PFKFB1: variants seen among roughly 807,000 people sequenced by gnomAD.
PFKFB1 encodes the protein 6-phosphofructo-2-kinase/fructose-2,6-bisphosphatase 1.
Under a neutral mutation model 46.4 loss-of-function variants are expected in PFKFB1, and 34 were observed. The observed-to-expected ratio is 0.73, with a 90% CI of 0.56 to 0.98. The LOEUF (loss-of-function observed/expected upper bound fraction) is 0.98. Ranked by LOEUF, PFKFB1 falls within the 50% of genes least tolerant of loss-of-function variation. PFKFB1 has a pLI of 0.00. For synonymous variants in PFKFB1, 119 were observed against 133.8 expected (o/e 0.89, Z 0.76); for missense variants, 393 against 376.3 (o/e 1.04, Z -0.37).
chrX:54,941,835 C>T (rs867533762), intron 10 of PFKFB1, among the ~76,000 whole-genome samples: 36 of 111,914 alleles, frequency 3.2e-4, no homozygotes, highest in African/African-American at 1.1e-3. Context: ...GTCAGTGTGG[C>T]GTCTCCTCAG....
At chrX:54,996,415 C>CT (rs747574763), upstream of PFKFB1, among the ~76,000 whole-genome samples, 3 of 112,203 alleles carry the variant, frequency 2.7e-5, no homozygotes, top group African/African-American at 9.7e-5. Context: ...ATGAACATCT[C>CT]TTTTATGTTT....
intron 1 of PFKFB1, among the ~76,000 whole-genome samples, chrX:54,993,361 T>G (rs980940811): frequency 9.0e-6 from 1 of 111,696 alleles, no homozygotes; most frequent in African/African-American, 3.3e-5. Flanking sequence ...GACAGGACAT[T>G]AAGTGTTTCC....
intron 6 of PFKFB1, among the ~76,000 whole-genome samples, chrX:54,956,870 T>G (rs1344191237): frequency 9.0e-6 from 1 of 111,118 alleles, no homozygotes; most frequent in African/African-American, 3.3e-5. Flanking sequence ...CCTCTAAATA[T>G]CCATTCTTTC....
chrX:54,963,044 G>T (rs1258600272), intron 2 of PFKFB1, among the ~76,000 whole-genome samples: 1 of 112,309 alleles, frequency 8.9e-6, no homozygotes. Flanking sequence ...GTTTTCCTAT[G>T]CTTAGCACCT....
At chrX:54,992,553 A>G (rs1935268221) in intron 1 of PFKFB1, among the ~76,000 whole-genome samples, 1 of 112,264 alleles carries the variant, frequency 8.9e-6, no homozygotes, top group Non-Finnish European at 1.9e-5. Context: ...GGTTGCAGGC[A>G]TTAATCCTGT....
chrX:54,951,675 G>C (rs1219300544), intron 8 of PFKFB1, among the ~76,000 whole-genome samples: 1 of 112,747 alleles, frequency 8.9e-6, no homozygotes, highest in Non-Finnish European at 1.9e-5. Flanking sequence ...GGCAGGCCTT[G>C]GGTGCCAGGG....
At position 54,933,203 on chromosome X, in the gene PFKFB1, G is replaced by C; in HGVS notation, c.*200C>G. ...TTATTCGTCAGAGAATAGGAATTAA[G>C]AAAGAAAGTTTCCTCCAGAGCTAGA... On this transcript the variant is annotated 3_prime_UTR_variant, in exon 14 of 14. Coordinates refer to ENST00000375006, the MANE Select transcript of PFKFB1 (RefSeq NM_002625.4). 1 of 435,962 alleles carries C rather than the reference G, an allele frequency of 2.3e-6. No individual in the cohort carries two copies. Among genetic ancestry groups the C allele is most frequent in the South Asian group, 3.5e-5 (1 of 28,632 alleles). The allele number at this position is 435,962 out of a possible 1,213,427, so 35.9% of individuals were successfully genotyped here. A position where few individuals can be genotyped will look rare whatever the true frequency, so the allele number is the denominator to read the frequency against.
At chrX:54,995,799 T>C (rs1390108344), upstream of PFKFB1, among the ~76,000 whole-genome samples, 1 of 112,575 alleles carries the variant, frequency 8.9e-6, no homozygotes, top group Non-Finnish European at 1.9e-5. Flanking sequence ...CCTTGACTAA[T>C]CTGAAACTTC....
intron 5 of PFKFB1, 106 bp downstream of exon 5, chrX:54,958,745 G>C (rs1374699159): frequency 3.6e-5 from 18 of 505,569 alleles, no homozygotes; most frequent in Admixed American, 2.8e-4. Context: ...TTAAAATGTT[G>C]AGCTTATGGT....
chrX:54,960,000 C>T lies in PFKFB1; in HGVS notation c.318-107G>A, dbSNP rs1934262191. 19 of 583,230 alleles carry T rather than the reference C, an allele frequency of 3.3e-5. No homozygotes were observed. In the South Asian group the frequency reaches 4.5e-4, roughly 14 times the overall value. The allele number at this position is 583,230 out of a possible 1,213,427, so 48.1% of individuals were successfully genotyped here. On this transcript the variant is annotated intron_variant, in intron 3 of 13. Coordinates refer to ENST00000375006, the MANE Select transcript of PFKFB1 (RefSeq NM_002625.4). ...TACCATCTCTCATGTCTTAGACTAA[C>T]TTATCATGTATTGAACATCTACACA...
At chrX:54,998,380 C>A, upstream of PFKFB1, 2 of 1,133,672 alleles carry the variant, frequency 1.8e-6, no homozygotes, top group Non-Finnish European at 2.3e-6. Flanking sequence ...GCAACTCCTG[C>A]CTACTTTCCC....
intron 8 of PFKFB1, among the ~76,000 whole-genome samples, chrX:54,951,041 T>C (rs1171017376): frequency 1.8e-5 from 2 of 113,286 alleles, no homozygotes; most frequent in Non-Finnish European, 3.7e-5. Context: ...GCACCGTGAC[T>C]GTGCATAGGT....
chrX:54,943,226 C>T (rs1701604813), intron 10 of PFKFB1, among the ~76,000 whole-genome samples: 2 of 111,500 alleles, frequency 1.8e-5, no homozygotes, highest in South Asian at 7.5e-4. Flanking sequence ...AACAATGATA[C>T]AAAAACCTTA....
At chrX:54,974,640 A>G (rs1319481772) in intron 1 of PFKFB1, among the ~76,000 whole-genome samples, 3 of 112,359 alleles carry the variant, frequency 2.7e-5, no homozygotes, top group Admixed American at 1.9e-4. Flanking sequence ...GTGCAGTAGA[A>G]GAAATAATCA....
chrX:54,982,381 A>G (rs758316455), intron 1 of PFKFB1, among the ~76,000 whole-genome samples: 27 of 111,976 alleles, frequency 2.4e-4, no homozygotes, highest in Admixed American at 7.6e-4. Flanking sequence ...TCCTCAACAA[A>G]ATATTGGCAG....
intron 8 of PFKFB1, among the ~76,000 whole-genome samples, chrX:54,951,366 G>A (rs1428226090): frequency 8.9e-6 from 1 of 112,175 alleles, no homozygotes; most frequent in Non-Finnish European, 1.9e-5. Context: ...CAGGTGCTGG[G>A]CCTTGGAAGG....
At chrX:54,964,661 C>T (rs1934424758) in intron 1 of PFKFB1, among the ~76,000 whole-genome samples, 1 of 111,418 alleles carries the variant, frequency 9.0e-6, no homozygotes, top group South Asian at 3.8e-4. Context: ...ATAGTACTCA[C>T]TAGGTAGTTT....
At chrX:54,949,379 T>A (rs917847613) in intron 8 of PFKFB1, among the ~76,000 whole-genome samples, 158 bp from the exon 9 acceptor site, 1 of 109,671 alleles carries the variant, frequency 9.1e-6, no homozygotes, top group Non-Finnish European at 1.9e-5. Context: ...AAAGCCATAC[T>A]CTTTCCAATG....
chrX:54,949,099 C>T lies in PFKFB1; in HGVS notation c.969G>A (p.Trp323Ter). 3.3e-6 allele frequency: 4 copies of T among 1,211,471 alleles called. No individual in the cohort carries two copies. The highest frequency in any genetic ancestry group is 4.5e-6 in the Non-Finnish European group (4 of 895,276). Residue 323 changes from tryptophan (W) to a stop codon, truncating the protein, a stop_gained, in exon 9 of 14, where the codon TGG becomes TGA. Coordinates refer to ENST00000375006, the MANE Select transcript of PFKFB1 (RefSeq NM_002625.4). LOFTEE classifies it high-confidence loss of function. ...CCGCATCAATCTCATTCAGGGCCTTCCACTGCTCATAGGGGACACCCAGGG... is the reference window on the plus strand; with the variant it reads ...CCGCATCAATCTCATTCAGGGCCTTTCACTGCTCATAGGGGACACCCAGGG... ...AEALGVPYEQ[W>*]KALNEIDAGV...
Sources: gnomAD v4.1 joint callset for allele counts (sites outside exome capture counted in the v4.1 genomes callset) on GRCh38, gnomAD v4.1.1 for gene constraint, MANE v1.5 for transcripts, NCBI Gene and HGNC (gene_info 2026-07-23, HGNC 2026-07-21) for gene names.